Variants in DOCK4 observed in about 807,000 individuals in gnomAD.
DOCK4 encodes dedicator of cytokinesis protein 4.
A neutral mutation model predicts 268.1 loss-of-function variants in DOCK4; 97 were observed. The observed-to-expected ratio is 0.36, with a 90% CI of 0.31 to 0.43. The LOEUF (loss-of-function observed/expected upper bound fraction) is 0.43. Among genes scored for constraint, DOCK4 ranks in the 20% least tolerant of loss-of-function variants. The pLI is 1.00. For synonymous variants in DOCK4, 954 were observed against 887.2 expected (o/e 1.08, Z -1.34); for missense variants, 2,145 against 2,455.7 (o/e 0.87, Z 2.67).
intron 8 of DOCK4, among the ~76,000 whole-genome samples, chr7:111,949,641 A>C (rs1378843497): frequency 6.6e-6 from 1 of 152,182 alleles, no homozygotes; most frequent in African/African-American, 2.4e-5. Flanking sequence ...TAAAAGAAAA[A>C]AGAAAAAAAA....
intron 1 of DOCK4, among the ~76,000 whole-genome samples, chr7:112,112,146 G>A (rs1363058980): frequency 6.6e-6 from 1 of 152,148 alleles, no homozygotes; most frequent in East Asian, 1.9e-4. Context: ...GTTGGAGGTG[G>A]GCTTAGTGGG....
At chr7:112,087,686 G>C (rs1477544505) in intron 1 of DOCK4, among the ~76,000 whole-genome samples, 2 of 152,078 alleles carry the variant, frequency 1.3e-5, no homozygotes, top group Non-Finnish European at 2.9e-5. Context: ...CTGTCAGACA[G>C]CTTCATTTTG....
chr7:112,082,158 G>C (rs1808652006), intron 1 of DOCK4, among the ~76,000 whole-genome samples: 1 of 152,162 alleles, frequency 6.6e-6, no homozygotes, highest in African/African-American at 2.4e-5. Flanking sequence ...GGGAACAGTA[G>C]TAATGAAATA....
At chr7:112,174,423 T>A (rs1044226494) in intron 1 of DOCK4, among the ~76,000 whole-genome samples, 1 of 152,082 alleles carries the variant, frequency 6.6e-6, no homozygotes, top group Non-Finnish European at 1.5e-5. Flanking sequence ...TGTGGAGTCA[T>A]CTTGCACAAA....
At chr7:112,105,170 A>G (rs1811027069) in intron 1 of DOCK4, among the ~76,000 whole-genome samples, 1 of 152,196 alleles carries the variant, frequency 6.6e-6, no homozygotes, top group East Asian at 1.9e-4. Flanking sequence ...AAATATGTTT[A>G]GGGTAACTCA....
intron 1 of DOCK4, among the ~76,000 whole-genome samples, chr7:112,168,319 T>C (rs1222623926): frequency 6.6e-6 from 1 of 152,250 alleles, no homozygotes; most frequent in Non-Finnish European, 1.5e-5. Context: ...TTCTGATATC[T>C]GTGCTTTCAC....
chr7:112,088,307 T>C (rs1467965625), intron 1 of DOCK4, among the ~76,000 whole-genome samples: 1 of 152,172 alleles, frequency 6.6e-6, no homozygotes, highest in Non-Finnish European at 1.5e-5. Flanking sequence ...AAAGCCTTTT[T>C]AAATGTGTTC....
intron 12 of DOCK4, among the ~76,000 whole-genome samples, chr7:111,918,847 A>T (rs1006236227): frequency 1.3e-5 from 2 of 152,198 alleles, no homozygotes; most frequent in African/African-American, 4.8e-5. Flanking sequence ...ACAGAATAAG[A>T]CGAATTTAAC....
chr7:112,147,858 G>C (rs996938157), intron 1 of DOCK4, among the ~76,000 whole-genome samples: 1 of 128,400 alleles, frequency 7.8e-6, no homozygotes, highest in African/African-American at 3.1e-5. Context: ...GAGGAGGCTT[G>C]AAAGCTTGAA....
chr7:112,127,435 A>G (rs1813337169), intron 1 of DOCK4, among the ~76,000 whole-genome samples: 1 of 145,240 alleles, frequency 6.9e-6, no homozygotes, highest in South Asian at 2.3e-4. Flanking sequence ...GGGGAGGGAT[A>G]GCATTAGGAG....
intron 32 of DOCK4, chr7:111,788,363 T>C: frequency 3.1e-6 from 1 of 321,488 alleles, no homozygotes; most frequent in Non-Finnish European, 5.8e-6. Context: ...CTTAAAATCA[T>C]TATCTTGCAG....
intron 13 of DOCK4, among the ~76,000 whole-genome samples, chr7:111,909,728 G>A (rs930388657): frequency 5.3e-5 from 8 of 152,170 alleles, no homozygotes; most frequent in Non-Finnish European, 1.2e-4. Flanking sequence ...GGGAAGCTGA[G>A]GCAGGAGAAT....
chr7:111,924,837 G>C (rs1489763035), intron 12 of DOCK4, among the ~76,000 whole-genome samples: 1 of 152,070 alleles, frequency 6.6e-6, no homozygotes. Flanking sequence ...TGTTCCATTG[G>C]AGGAGGATGG....
At chr7:111,809,702 T>C (rs1187338444) in intron 28 of DOCK4, among the ~76,000 whole-genome samples, 1 of 152,226 alleles carries the variant, frequency 6.6e-6, no homozygotes. Context: ...ACGAGCTTTT[T>C]GGTATATGCT....
intron 44 of DOCK4, among the ~76,000 whole-genome samples, chr7:111,744,030 G>A (rs55735496): frequency 6.6e-6 from 1 of 152,258 alleles, no homozygotes; most frequent in Non-Finnish European, 1.5e-5. Context: ...TGTTGCCCAG[G>A]CTAGTCTTGA....
intron 22 of DOCK4, 35 bp from the exon 23 acceptor site, chr7:111,863,599 G>C: frequency 1.3e-6 from 2 of 1,539,054 alleles, no homozygotes; most frequent in South Asian, 2.5e-5. Flanking sequence ...TCAACTCCCA[G>C]ATACGCCATG....
chr7:111,744,276 G>C (rs1397690057), intron 44 of DOCK4, among the ~76,000 whole-genome samples: 1 of 152,216 alleles, frequency 6.6e-6, no homozygotes, highest in Non-Finnish European at 1.5e-5. Context: ...AGCTGAGGCA[G>C]AGTAAGTCTG....
intron 52 of DOCK4, 32 bp from the exon 53 acceptor site, chr7:111,728,752 C>A: frequency 6.4e-7 from 1 of 1,569,920 alleles, no homozygotes; most frequent in Non-Finnish European, 8.6e-7. Flanking sequence ...GAGAGGGAGA[C>A]ACAGCATTGA....
chr7:111,863,948 A>T (rs1805765010), intron 22 of DOCK4, among the ~76,000 whole-genome samples: 1 of 152,228 alleles, frequency 6.6e-6, no homozygotes, highest in Non-Finnish European at 1.5e-5. Flanking sequence ...GCTCACTTAA[A>T]TCTCATTCAC....
Sources: gnomAD v4.1 joint callset for allele counts (sites outside exome capture counted in the v4.1 genomes callset) on GRCh38, gnomAD v4.1.1 for gene constraint, MANE v1.5 for transcripts, NCBI Gene and HGNC (gene_info 2026-07-23, HGNC 2026-07-21) for gene names.